The following RBFOX2 variants were observed in gnomAD, a reference collection of about 807,000 sequenced individuals.
RBFOX2 encodes RNA binding protein fox-1 homolog 2.
In RBFOX2, 10 loss-of-function variants were observed where a neutral mutation model predicts 49.1. That is an observed-to-expected ratio of 0.20 (90% CI 0.13 to 0.35). RBFOX2 has a LOEUF of 0.35. RBFOX2 is among the 10% of genes least tolerant of loss of function. RBFOX2 has a pLI of 1.00. For synonymous variants in RBFOX2, 183 were observed against 187.4 expected, an observed-to-expected ratio of 0.98 and a Z score of 0.19; for missense variants, 323 against 486.9, an observed-to-expected ratio of 0.66 and a Z score of 3.17.
chr22:35,902,892 G>A (rs938405707), intron 1 of RBFOX2, among the ~76,000 whole-genome samples: 1 of 151,490 alleles, frequency 6.6e-6, no homozygotes, highest in Non-Finnish European at 1.5e-5. Context: ...CTGGGTTCAA[G>A]CAATCTTCCT....
At chr22:35,959,018 A>C (rs1264143379) in intron 1 of RBFOX2, among the ~76,000 whole-genome samples, 1 of 152,108 alleles carries the variant, frequency 6.6e-6, no homozygotes, top group Non-Finnish European at 1.5e-5. Context: ...TAAATACTCA[A>C]GATAGCTGGG....
At chr22:35,944,230 A>G (rs2054017459) in intron 1 of RBFOX2, among the ~76,000 whole-genome samples, 1 of 152,216 alleles carries the variant, frequency 6.6e-6, no homozygotes, top group Non-Finnish European at 1.5e-5. Flanking sequence ...GATCTTTTTA[A>G]AAGTGTGTGG....
chr22:36,016,555 CTCT>C (rs2059043352), intron 1 of RBFOX2, among the ~76,000 whole-genome samples: 1 of 152,198 alleles, frequency 6.6e-6, no homozygotes, highest in African/African-American at 2.4e-5. Flanking sequence ...TGCAAAATCT[CTCT>C]TCTTCAACAA....
chr22:35,890,617 G>A (rs1212888811), intron 1 of RBFOX2, among the ~76,000 whole-genome samples: 1 of 152,116 alleles, frequency 6.6e-6, no homozygotes, highest in Non-Finnish European at 1.5e-5. Context: ...GAGGCTAATT[G>A]TGGTATAGCA....
intron 1 of RBFOX2, among the ~76,000 whole-genome samples, chr22:35,929,156 T>A (rs886854720): frequency 2.0e-5 from 3 of 152,040 alleles, no homozygotes; most frequent in Non-Finnish European, 4.4e-5. Context: ...TTTATTTTTG[T>A]ATTTCTAGTA....
At position 35,804,349 on chromosome 22, in the gene RBFOX2, T is replaced by A. The variant is rs908912747; in HGVS notation, c.252+5431A>T. 7.2e-5 allele frequency among the ~76,000 whole-genome samples: 11 copies of A among 151,858 alleles called. No homozygotes were observed. The South Asian group carries it at 1.0e-3, about 14-fold the overall frequency. On this transcript the variant is annotated intron_variant, in intron 2 of 11. Coordinates refer to ENST00000405409, the Ensembl canonical transcript of RBFOX2. ...GAAAGGAAAAAAAAATTTGAAGAAA[T>A]TATGGTGAAAAACATCCCAAATTTG...
At chr22:35,961,753 C>A, upstream of RBFOX2, 1 of 1,207,230 alleles carries the variant, frequency 8.3e-7, no homozygotes, top group East Asian at 5.9e-5. Context: ...CCCCACACCA[C>A]CCGCCCCAAA....
chr22:35,951,197 G>A (rs1314676561), intron 1 of RBFOX2, among the ~76,000 whole-genome samples: 4 of 146,758 alleles, frequency 2.7e-5, no homozygotes, highest in East Asian at 2.0e-4. Context: ...CTCGTGTTCC[G>A]CCTGCCTTGG....
intron 1 of RBFOX2, among the ~76,000 whole-genome samples, chr22:36,025,924 T>C (rs2059415252): frequency 6.6e-6 from 1 of 151,790 alleles, no homozygotes; most frequent in South Asian, 2.1e-4. Context: ...CCTAAATCAA[T>C]GATTTGAATA....
intron 1 of RBFOX2, among the ~76,000 whole-genome samples, chr22:35,953,729 C>A (rs1014500730): frequency 6.6e-6 from 1 of 152,040 alleles, no homozygotes; most frequent in Non-Finnish European, 1.5e-5. Flanking sequence ...AATGAAGAAA[C>A]TTCCTGTTGT....
At chr22:35,974,806 T>A (rs545558103) in intron 1 of RBFOX2, among the ~76,000 whole-genome samples, 139 of 152,322 alleles carry the variant, frequency 9.1e-4, no homozygotes, top group African/African-American at 3.2e-3. Flanking sequence ...ATTGCCCTCA[T>A]CTTACTGCTA....
At chr22:35,982,095 T>A (rs566330775) in intron 1 of RBFOX2, among the ~76,000 whole-genome samples, 20 of 152,244 alleles carry the variant, frequency 1.3e-4, no homozygotes, top group African/African-American at 4.8e-4. Flanking sequence ...TCTCTCTCCA[T>A]GCAGGTGGGC....
At chr22:35,865,136 T>C (rs1041367796) in intron 1 of RBFOX2, among the ~76,000 whole-genome samples, 1 of 152,166 alleles carries the variant, frequency 6.6e-6, no homozygotes, top group Admixed American at 6.5e-5. Context: ...ACTACATACA[T>C]GGATGGATGG....
At chr22:35,771,439 G>A (rs1461238397) in intron 4 of RBFOX2, among the ~76,000 whole-genome samples, 1 of 152,146 alleles carries the variant, frequency 6.6e-6, no homozygotes, top group East Asian at 1.9e-4. Context: ...AGAGCCTCCT[G>A]AAGAACCCAA....
intron 4 of RBFOX2, among the ~76,000 whole-genome samples, chr22:35,771,298 G>T (rs1602460279): frequency 6.6e-6 from 1 of 152,186 alleles, no homozygotes; most frequent in Non-Finnish European, 1.5e-5. Context: ...AGGAGAGTCC[G>T]AATCAGAGTA....
exon 1 of RBFOX2, chr22:36,028,327 G>A (rs761349823): frequency 4.0e-6 from 6 of 1,504,896 alleles, no homozygotes; most frequent in African/African-American, 1.4e-5. Flanking sequence ...CTCCCGCTCC[G>A]GGCACCGGCA....
intron 1 of RBFOX2, among the ~76,000 whole-genome samples, chr22:35,861,894 T>C (rs148756889): frequency 2.8e-4 from 42 of 152,170 alleles, no homozygotes; most frequent in Non-Finnish European, 8.8e-5. Context: ...AGATAAGTAA[T>C]AGTGATAAAC....
intron 1 of RBFOX2, among the ~76,000 whole-genome samples, chr22:36,010,234 T>C (rs1368979228): frequency 6.6e-6 from 1 of 152,086 alleles, no homozygotes; most frequent in Non-Finnish European, 1.5e-5. Flanking sequence ...AACCCATCTC[T>C]CGACTGCTAG....
intron 1 of RBFOX2, among the ~76,000 whole-genome samples, chr22:35,949,021 T>A (rs11913878): frequency 6.6e-6 from 1 of 152,232 alleles, no homozygotes; most frequent in Admixed American, 6.5e-5. Flanking sequence ...TTTGTCTCCA[T>A]CAATGTGACT....
Sources: gnomAD v4.1 joint callset for allele counts (sites outside exome capture counted in the v4.1 genomes callset) on GRCh38, gnomAD v4.1.1 for gene constraint, MANE v1.5 for transcripts, NCBI Gene and HGNC (gene_info 2026-07-23, HGNC 2026-07-21) for gene names.